The following NFIB variants were observed in gnomAD, a reference collection of about 807,000 sequenced individuals.
NFIB encodes the protein nuclear factor I B.
Under a neutral mutation model 61.5 loss-of-function variants are expected in NFIB, and 11 were observed. The ratio of observed to expected loss-of-function variants is 0.18; its 90% CI spans 0.11 to 0.30. NFIB has a LOEUF of 0.30. NFIB is among the 10% of genes least tolerant of loss of function. The pLI is 1.00. For synonymous variants in NFIB, 260 were observed against 216.5 expected, an observed-to-expected ratio of 1.20 and a Z score of -1.76; for missense variants, 471 against 608.9, an observed-to-expected ratio of 0.77 and a Z score of 2.38.
At chr9:14,389,218 T>A (rs576869505) in intron 1 of NFIB, among the ~76,000 whole-genome samples, 4 of 152,312 alleles carry the variant, frequency 2.6e-5, no homozygotes, top group Non-Finnish European at 5.9e-5. Flanking sequence ...TTTCCTTCTG[T>A]CACAACCACT....
At chr9:14,156,511 C>T (rs2043426130) in intron 3 of NFIB, among the ~76,000 whole-genome samples, 1 of 152,208 alleles carries the variant, frequency 6.6e-6, no homozygotes, top group Admixed American at 6.5e-5. Context: ...ACCCTTGCTA[C>T]TATTCCACTG....
chr9:14,317,177 A>T (rs1266568168), upstream of NFIB: 1 of 152,120 alleles, frequency 6.6e-6, no homozygotes, highest in Non-Finnish European at 1.5e-5. Flanking sequence ...TCCCTTTATT[A>T]GTTTCCCTTT....
chr9:14,426,564 C>A, the NFIB span, among the ~76,000 whole-genome samples: 1 of 152,092 alleles, frequency 6.6e-6, no homozygotes, highest in Non-Finnish European at 1.5e-5. Context: ...TCTTTAAAAG[C>A]AGAAAAAAGG....
chr9:14,314,540 A>T (rs1292848070), upstream of NFIB: 1 of 151,938 alleles, frequency 6.6e-6, no homozygotes, highest in Non-Finnish European at 1.5e-5. Context: ...CAAAACTTGG[A>T]AGTTGAAAAA....
intron 2 of NFIB, among the ~76,000 whole-genome samples, chr9:14,287,151 G>C (rs1490128007): frequency 6.6e-6 from 1 of 152,016 alleles, no homozygotes. Context: ...GCTATTATAG[G>C]CCGGGCGCGG....
chr9:14,386,298 C>A (rs557717555), intron 1 of NFIB, among the ~76,000 whole-genome samples: 6 of 152,282 alleles, frequency 3.9e-5, no homozygotes, highest in Admixed American at 6.5e-5. Flanking sequence ...ATCTTAGTAC[C>A]CACAACTTAG....
chr9:14,257,598 T>A (rs924304659), intron 2 of NFIB, among the ~76,000 whole-genome samples: 1 of 151,904 alleles, frequency 6.6e-6, no homozygotes, highest in Admixed American at 6.6e-5. Context: ...CTTCTAAAAA[T>A]ACAAAAAATT....
intron 2 of NFIB, among the ~76,000 whole-genome samples, chr9:14,186,564 G>A (rs549741865): frequency 2.6e-5 from 4 of 152,068 alleles, no homozygotes; most frequent in Non-Finnish European, 5.9e-5. Flanking sequence ...AAATAAAAAG[G>A]TAAAACAAAA....
At chr9:14,346,287 G>GCCCCCC (rs1728583817) in intron 1 of NFIB, among the ~76,000 whole-genome samples, 1 of 92,778 alleles carries the variant, frequency 1.1e-5, no homozygotes, top group African/African-American at 3.0e-5. Context: ...CGAGGTAACC[G>GCCCCCC]ACACCCCCCC....
the NFIB span, among the ~76,000 whole-genome samples, chr9:14,522,566 G>C: frequency 6.6e-6 from 1 of 152,156 alleles, no homozygotes; most frequent in African/African-American, 2.4e-5. Context: ...GGAAATACTA[G>C]AGAAGGTGAA....
At chr9:14,513,042 A>T in the NFIB span, among the ~76,000 whole-genome samples, 1 of 151,776 alleles carries the variant, frequency 6.6e-6, no homozygotes, top group South Asian at 2.1e-4. Flanking sequence ...TTTGTAGCTT[A>T]TCTATTACTT....
At chr9:14,428,617 C>T in the NFIB span, among the ~76,000 whole-genome samples, 1 of 152,158 alleles carries the variant, frequency 6.6e-6, no homozygotes, top group African/African-American at 2.4e-5. Context: ...ATTGCTCCAG[C>T]CTCTACAGGA....
chr9:14,163,188 C>G (rs2044391567), intron 3 of NFIB, among the ~76,000 whole-genome samples: 1 of 150,818 alleles, frequency 6.6e-6, no homozygotes, highest in African/African-American at 2.4e-5. Flanking sequence ...TCCAAATTAG[C>G]AAAGAGAAAA....
chr9:14,484,449 T>A, the NFIB span, among the ~76,000 whole-genome samples: 2 of 152,244 alleles, frequency 1.3e-5, no homozygotes, highest in African/African-American at 4.8e-5. Context: ...ATACCCAATC[T>A]TCTCATCTAC....
intron 2 of NFIB, among the ~76,000 whole-genome samples, chr9:14,205,933 AC>A (rs2049641236): frequency 3.9e-5 from 4 of 101,874 alleles, no homozygotes; most frequent in African/African-American, 2.9e-4. Context: ...CCTGAAAAAC[AC>A]ACACACACAC....
At chr9:14,408,495 C>T in the NFIB span, among the ~76,000 whole-genome samples, 14 of 151,934 alleles carry the variant, frequency 9.2e-5, no homozygotes, top group Non-Finnish European at 1.6e-4. Context: ...ACAATGGAGG[C>T]GGGAATACAG....
intron 2 of NFIB, among the ~76,000 whole-genome samples, chr9:14,278,701 T>G (rs2058172143): frequency 6.6e-6 from 1 of 152,136 alleles, no homozygotes; most frequent in Non-Finnish European, 1.5e-5. Context: ...TTGTGGGGAA[T>G]TTAGACTTTT....
the NFIB span, among the ~76,000 whole-genome samples, chr9:14,406,746 G>A: frequency 6.6e-6 from 1 of 152,184 alleles, no homozygotes; most frequent in Non-Finnish European, 1.5e-5. Flanking sequence ...AGGTGCACAT[G>A]GACTGTGTCT....
chr9:14,279,510 A>T (rs913939078), intron 2 of NFIB, among the ~76,000 whole-genome samples: 1 of 152,176 alleles, frequency 6.6e-6, no homozygotes, highest in African/African-American at 2.4e-5. Flanking sequence ...GGCAGGTCAA[A>T]AGGTACGACT....
Sources: allele counts gnomAD v4.1 joint callset (sites outside exome capture counted in the v4.1 genomes callset), GRCh38; gene constraint gnomAD v4.1.1; transcripts MANE v1.5; gene names NCBI Gene and HGNC (gene_info 2026-07-23, HGNC 2026-07-21).